The following MSH3 variants were observed in gnomAD, a reference collection of about 807,000 sequenced individuals.
MSH3 encodes the protein mutS homolog 3.
MSH3 carries 106 observed loss-of-function variants against 123.3 expected under a neutral mutation model. The ratio of observed to expected loss-of-function variants is 0.86; its 90% CI spans 0.73 to 1.01. MSH3 has a LOEUF of 1.01. Among genes scored for constraint, MSH3 ranks in the 50% least tolerant of loss-of-function variants. MSH3 has a pLI of 0.00. For missense variants in MSH3, 1,459 were observed against 1,347.6 expected (o/e 1.08, Z -1.29); for synonymous variants, 515 against 481.4 (o/e 1.07, Z -0.91).
intron 19 of MSH3, among the ~76,000 whole-genome samples, chr5:80,801,958 C>G (rs1169483597): frequency 6.6e-6 from 1 of 152,134 alleles, no homozygotes; most frequent in Non-Finnish European, 1.5e-5. Flanking sequence ...TATCAAGGCT[C>G]TCATAGAAAT....
intron 8 of MSH3, among the ~76,000 whole-genome samples, chr5:80,701,247 GA>G (rs1277866768): frequency 3.9e-5 from 6 of 152,194 alleles, no homozygotes; most frequent in African/African-American, 1.4e-4. Flanking sequence ...GACAGGAGAT[GA>G]AGGGAAAGAT....
chr5:80,672,406 C>T, intron 5 of MSH3, 46 bp downstream of exon 5: 1 of 1,394,238 alleles, frequency 7.2e-7, no homozygotes, highest in East Asian at 2.3e-5. Flanking sequence ...TGGGATTCTC[C>T]TCCAGAGAGT....
intron 8 of MSH3, among the ~76,000 whole-genome samples, chr5:80,681,530 A>C (rs994401360): frequency 1.3e-5 from 2 of 151,958 alleles, no homozygotes; most frequent in Non-Finnish European, 2.9e-5. Flanking sequence ...GAAAAAATGA[A>C]TATAGAAATG....
intron 19 of MSH3, among the ~76,000 whole-genome samples, chr5:80,805,681 G>T (rs1415962011): frequency 7.6e-6 from 1 of 132,092 alleles, no homozygotes; most frequent in Non-Finnish European, 1.5e-5. Flanking sequence ...TGCAACCTCT[G>T]CCTCCAGGGT....
chr5:80,683,717 T>C (rs752736693), intron 8 of MSH3, among the ~76,000 whole-genome samples: 6 of 152,166 alleles, frequency 3.9e-5, no homozygotes, highest in Non-Finnish European at 8.8e-5. Flanking sequence ...TGTGATCCCA[T>C]TTGTCCATCT....
At chr5:80,860,519 T>C (rs577193061) in intron 21 of MSH3, among the ~76,000 whole-genome samples, 2 of 151,650 alleles carry the variant, frequency 1.3e-5, no homozygotes, top group South Asian at 4.2e-4. Context: ...TTCTGAGAAG[T>C]CAGATGTAAT....
At chr5:80,725,882 T>C (rs1344208059) in intron 9 of MSH3, among the ~76,000 whole-genome samples, 1 of 152,206 alleles carries the variant, frequency 6.6e-6, no homozygotes, top group African/African-American at 2.4e-5. Context: ...GCAGCCTCTT[T>C]TGAAATTATG....
At chr5:80,863,299 C>T (rs1746044503) in intron 21 of MSH3, among the ~76,000 whole-genome samples, 1 of 152,104 alleles carries the variant, frequency 6.6e-6, no homozygotes, top group Non-Finnish European at 1.5e-5. Flanking sequence ...TGAGAACATG[C>T]GCCCAAGGTG....
chr5:80,711,008 T>C (rs1370375642), intron 8 of MSH3, among the ~76,000 whole-genome samples: 1 of 152,236 alleles, frequency 6.6e-6, no homozygotes, highest in Non-Finnish European at 1.5e-5. Flanking sequence ...ACTAGAATTT[T>C]TTTGTTAGAA....
intron 16 of MSH3, among the ~76,000 whole-genome samples, chr5:80,776,643 A>ATT (rs1296762491): frequency 1.3e-5 from 2 of 151,980 alleles, no homozygotes; most frequent in Non-Finnish European, 2.9e-5. Context: ...GAGAGGACTC[A>ATT]TTTAAAGACA....
intron 8 of MSH3, among the ~76,000 whole-genome samples, chr5:80,701,964 G>T (rs149771131): frequency 8.4e-4 from 127 of 151,870 alleles, no homozygotes; most frequent in Non-Finnish European, 1.6e-3. Context: ...TTTCTGTACA[G>T]TTTTTCCTCC....
chr5:80,680,921 G>C (rs1266533603), intron 8 of MSH3, among the ~76,000 whole-genome samples: 3 of 152,040 alleles, frequency 2.0e-5, no homozygotes, highest in Non-Finnish European at 4.4e-5. Context: ...ATACTGTTAT[G>C]ATGAATATCC....
intron 8 of MSH3, among the ~76,000 whole-genome samples, chr5:80,688,498 T>G (rs1209529151): frequency 6.6e-6 from 1 of 152,226 alleles, no homozygotes; most frequent in Non-Finnish European, 1.5e-5. Context: ...CATTTTCATT[T>G]TGTGTTCATC....
At chr5:80,671,310 C>G (rs6151640) in intron 4 of MSH3, among the ~76,000 whole-genome samples, 16,734 of 152,130 alleles carry the variant, frequency 0.11, 1,043 homozygotes, top group African/African-American at 0.17. Context: ...TTGGATTGTA[C>G]ACTAGAGAGT....
chr5:80,674,770 A>G (rs1172295598), intron 6 of MSH3, among the ~76,000 whole-genome samples: 2 of 152,036 alleles, frequency 1.3e-5, no homozygotes, highest in Non-Finnish European at 2.9e-5. Context: ...TAGAGACAGC[A>G]TCTTGCTTTG....
chr5:80,676,735 G>T (rs141253429), intron 7 of MSH3, among the ~76,000 whole-genome samples: 1 of 152,106 alleles, frequency 6.6e-6, no homozygotes, highest in Non-Finnish European at 1.5e-5. Flanking sequence ...CTAGCTACAG[G>T]CATTTGGACC....
At chr5:80,716,774 A>G (rs1318263383) in intron 8 of MSH3, among the ~76,000 whole-genome samples, 1 of 152,204 alleles carries the variant, frequency 6.6e-6, no homozygotes, top group Non-Finnish European at 1.5e-5. Context: ...ATGATAAACT[A>G]TTGATAACTG....
intron 12 of MSH3, among the ~76,000 whole-genome samples, chr5:80,749,563 T>G (rs1038560583): frequency 1.3e-5 from 2 of 152,148 alleles, no homozygotes; most frequent in Non-Finnish European, 2.9e-5. Flanking sequence ...GGAACAATAC[T>G]TTGCATCCTT....
intron 1 of MSH3, chr5:80,655,506 G>GTACCCAAACTAGTTTT (rs1749255138): frequency 5.0e-6 from 1 of 199,938 alleles, no homozygotes; most frequent in Admixed American, 6.0e-5. Flanking sequence ...AGTTTGGGTG[G>GTACCCAAACTAGTTTT]ATAAAGTTTC....
Sources: allele counts gnomAD v4.1 joint callset (sites outside exome capture counted in the v4.1 genomes callset), GRCh38; gene constraint gnomAD v4.1.1; transcripts MANE v1.5; gene names NCBI Gene and HGNC (gene_info 2026-07-23, HGNC 2026-07-21).